Variants in HMGB1 observed in about 807,000 individuals in gnomAD.
HMGB1 encodes the protein high mobility group protein B1.
For missense variants in HMGB1, 79 were observed against 253.5 expected, an observed-to-expected ratio of 0.31 and a Z score of 4.67; for synonymous variants, 81 against 84.0, an observed-to-expected ratio of 0.96 and a Z score of 0.19.
At chr13:30,577,079 A>G (rs1434709146) in intron 1 of HMGB1, among the ~76,000 whole-genome samples, 1 of 152,184 alleles carries the variant, frequency 6.6e-6, no homozygotes, top group Non-Finnish European at 1.5e-5. Flanking sequence ...ACAGGGGCTC[A>G]CACCTGTAAT....
At chr13:30,495,501 C>T (rs1187373930) in intron 1 of HMGB1, among the ~76,000 whole-genome samples, 7 of 144,616 alleles carry the variant, frequency 4.8e-5, no homozygotes, top group South Asian at 2.1e-4. Flanking sequence ...TTTTTGGAGA[C>T]GGAGTCTCGC....
At chr13:30,504,377 T>A (rs1309117613) in intron 1 of HMGB1, among the ~76,000 whole-genome samples, 1 of 152,232 alleles carries the variant, frequency 6.6e-6, no homozygotes, top group Non-Finnish European at 1.5e-5. Context: ...TGAAATTTGT[T>A]TTTCACGCTT....
At chr13:30,604,877 C>T (rs1202338951) in intron 1 of HMGB1, among the ~76,000 whole-genome samples, 1 of 152,132 alleles carries the variant, frequency 6.6e-6, no homozygotes, top group Non-Finnish European at 1.5e-5. Context: ...CCAGGATGGT[C>T]TCCATCTCCT....
chr13:30,492,066 G>T (rs1187902182), intron 1 of HMGB1, among the ~76,000 whole-genome samples: 2 of 152,130 alleles, frequency 1.3e-5, no homozygotes, highest in African/African-American at 4.8e-5. Flanking sequence ...TACTCGGGAG[G>T]CTGAGGCAGG....
intron 1 of HMGB1, among the ~76,000 whole-genome samples, chr13:30,591,921 G>A (rs1168821936): frequency 6.6e-6 from 1 of 151,996 alleles, no homozygotes; most frequent in Non-Finnish European, 1.5e-5. Flanking sequence ...TTGTCCTACT[G>A]TGGGTAGCGC....
intron 1 of HMGB1, among the ~76,000 whole-genome samples, chr13:30,483,538 G>T (rs1887285737): frequency 6.6e-6 from 1 of 151,708 alleles, no homozygotes; most frequent in Admixed American, 6.6e-5. Context: ...GGTAAATTAT[G>T]ACATTATGAT....
intron 1 of HMGB1, among the ~76,000 whole-genome samples, chr13:30,585,943 A>G (rs1871124495): frequency 6.6e-6 from 1 of 152,116 alleles, no homozygotes; most frequent in South Asian, 2.1e-4. Flanking sequence ...TGATCCACTT[A>G]TCTTTAGCCC....
rs1010727004 is a variant in HMGB1, at chr13:30,559,897, C to A, written c.-15+56774G>T. 1.3e-5 allele frequency among the ~76,000 whole-genome samples: 2 copies of A among 152,134 alleles called. No individual in the cohort carries two copies. Among genetic ancestry groups the A allele is most frequent in the Non-Finnish European group, 2.9e-5 (2 of 68,030 alleles). On this transcript the variant is annotated intron_variant, in intron 1 of 4. Transcript: ENST00000405805. The surrounding 1 kb of genome is among the most constrained non-coding windows in gnomAD (Gnocchi z 6.6). ...TGAATATGCATTCATTCACCAAAAT[C>A]TCATATTCCCAAAAAGCAGGAAAGG... is the stretch of plus-strand genomic sequence containing the variant.
chr13:30,508,827 T>C (rs1461306080), intron 1 of HMGB1, among the ~76,000 whole-genome samples: 1 of 152,234 alleles, frequency 6.6e-6, no homozygotes, highest in African/African-American at 2.4e-5. Flanking sequence ...CTTTTGGAAA[T>C]CAAACTCAAC....
At chr13:30,537,652 CATATATATATATAT>C (rs58424009) in intron 1 of HMGB1, among the ~76,000 whole-genome samples, 773 of 68,012 alleles carry the variant, frequency 0.011, 18 homozygotes, top group African/African-American at 0.023. Context: ...CATTCTTGTT[CATATATATATATAT>C]ATATATATAT....
At chr13:30,496,765 G>A (rs1436490375) in intron 1 of HMGB1, among the ~76,000 whole-genome samples, 3 of 152,142 alleles carry the variant, frequency 2.0e-5, no homozygotes, top group Non-Finnish European at 2.9e-5. Context: ...TCATTTAAGA[G>A]GATAAGACTC....
chr13:30,510,436 T>C (rs577853442), intron 1 of HMGB1, among the ~76,000 whole-genome samples: 34 of 152,304 alleles, frequency 2.2e-4, no homozygotes, highest in Non-Finnish European at 4.1e-4. Flanking sequence ...AAAAGTGTTT[T>C]GCAAAGAATA....
chr13:30,579,123 T>C (rs551807377), intron 1 of HMGB1, among the ~76,000 whole-genome samples: 5 of 152,232 alleles, frequency 3.3e-5, no homozygotes, highest in Admixed American at 3.3e-4. Flanking sequence ...TGAGACATAA[T>C]AAACACTTGA....
chr13:30,607,905 T>C (rs930307234), intron 1 of HMGB1, among the ~76,000 whole-genome samples: 3 of 152,236 alleles, frequency 2.0e-5, no homozygotes, highest in Admixed American at 2.0e-4. Flanking sequence ...CTGTGAGGTA[T>C]ACAGTGAAAT....
At chr13:30,611,590 C>T (rs188492286) in intron 1 of HMGB1, among the ~76,000 whole-genome samples, 1 of 152,046 alleles carries the variant, frequency 6.6e-6, no homozygotes, top group East Asian at 1.9e-4. Flanking sequence ...ATCATTTTTT[C>T]CTCCATAGCT....
chr13:30,498,165 A>G (rs1183102071), intron 1 of HMGB1, among the ~76,000 whole-genome samples: 3 of 152,048 alleles, frequency 2.0e-5, no homozygotes, highest in Non-Finnish European at 4.4e-5. Context: ...CTAGTGTGGG[A>G]TAGTATCTCA....
rs144198496 is a variant in HMGB1, at chr13:30,472,983, C to T, written c.-14-9289G>A. Among the ~76,000 whole-genome samples the T allele has an allele frequency of 6.2e-3, 947 of 151,986 alleles. 8 individuals carry two copies. The highest frequency in any genetic ancestry group is 0.022 in the African/African-American group (893 of 41,458). On this transcript the variant is annotated intron_variant, in intron 1 of 4. Coordinates refer to the HMGB1 transcript ENST00000405805. ...TCCAATCCCCTCAATTCACTATGCACGGACCTCTCATAGTCACCGAGGTCT... is the reference window on the plus strand; with the variant it reads ...TCCAATCCCCTCAATTCACTATGCATGGACCTCTCATAGTCACCGAGGTCT...
chr13:30,540,519 A>T (rs1868818418), intron 1 of HMGB1: 1 of 164,024 alleles, frequency 6.1e-6, no homozygotes, highest in Non-Finnish European at 1.3e-5. Flanking sequence ...TGCTGGCCAC[A>T]CTCTACGTCT....
intron 1 of HMGB1, among the ~76,000 whole-genome samples, chr13:30,519,037 T>C (rs1888165378): frequency 6.6e-6 from 1 of 152,068 alleles, no homozygotes; most frequent in Admixed American, 6.6e-5. Context: ...ATAAACATTC[T>C]CTAGACAGTC....
Sources: allele counts gnomAD v4.1 joint callset (sites outside exome capture counted in the v4.1 genomes callset), GRCh38; gene constraint gnomAD v4.1.1; non-coding constraint Gnocchi (gnomAD v3.1); transcripts MANE v1.5; gene names NCBI Gene and HGNC (gene_info 2026-07-23, HGNC 2026-07-21).